PDE10A: variants seen among roughly 807,000 people sequenced by gnomAD.
PDE10A encodes the protein phosphodiesterase 10A.
PDE10A carries 39 observed loss-of-function variants against 97.7 expected under a neutral mutation model. The observed-to-expected ratio is 0.40, with a 90% CI of 0.31 to 0.52. PDE10A has a LOEUF of 0.52. Ranked by LOEUF, PDE10A falls within the 20% of genes least tolerant of loss-of-function variation. The probability of loss-of-function intolerance (pLI) is 0.56; values close to 1 mark genes in which losing one functional copy is unlikely to be tolerated. For synonymous variants in PDE10A, 371 were observed against 376.8 expected (o/e 0.98, Z 0.18); for missense variants, 731 against 1,047.8 (o/e 0.70, Z 4.17).
intron 1 of PDE10A, among the ~76,000 whole-genome samples, chr6:165,877,971 C>G (rs1781388390): frequency 6.6e-6 from 1 of 152,200 alleles, no homozygotes; most frequent in Non-Finnish European, 1.5e-5. Context: ...AAACACGGGT[C>G]TTTCCAGAGA....
chr6:165,876,679 C>A (rs1781353616), intron 1 of PDE10A, among the ~76,000 whole-genome samples: 1 of 152,202 alleles, frequency 6.6e-6, no homozygotes, highest in African/African-American at 2.4e-5. Context: ...TGGTTAAAAA[C>A]CTGCAGCCTC....
intron 1 of PDE10A, among the ~76,000 whole-genome samples, chr6:165,886,255 G>A (rs1254466930): frequency 1.3e-5 from 2 of 149,782 alleles, no homozygotes; most frequent in African/African-American, 4.9e-5. Flanking sequence ...CAGACCTGGA[G>A]TCCTGGAATC....
chr6:165,828,119 C>T (rs6903746), intron 1 of PDE10A, among the ~76,000 whole-genome samples: 38,886 of 152,062 alleles, frequency 0.26, 5,360 homozygotes, highest in Middle Eastern at 0.34. Context: ...AGTACCAAGA[C>T]GTGGAACCCT....
intron 19 of PDE10A, among the ~76,000 whole-genome samples, chr6:165,342,667 C>G (rs113862245): frequency 6.6e-6 from 1 of 152,142 alleles, no homozygotes; most frequent in Non-Finnish European, 1.5e-5. Flanking sequence ...TTTATTCAAA[C>G]CAGAAGAGGT....
chr6:165,686,072 C>T (rs6938140), intron 1 of PDE10A, among the ~76,000 whole-genome samples: 1 of 151,518 alleles, frequency 6.6e-6, no homozygotes, highest in African/African-American at 2.4e-5. Flanking sequence ...AAAATCACTG[C>T]AGTAGAATTC....
At chr6:165,632,398 G>C (rs1394224296) in intron 1 of PDE10A, among the ~76,000 whole-genome samples, 1 of 152,098 alleles carries the variant, frequency 6.6e-6, no homozygotes, top group Non-Finnish European at 1.5e-5. Context: ...CAGCCACACA[G>C]AAAACCCCTG....
intron 2 of PDE10A, among the ~76,000 whole-genome samples, chr6:165,524,621 C>A (rs542389045): frequency 1.3e-5 from 2 of 152,236 alleles, no homozygotes; most frequent in South Asian, 4.1e-4. Flanking sequence ...TGTCTCCTGG[C>A]TTCAGAAGCA....
chr6:165,544,404 A>C (rs1472656679), intron 1 of PDE10A, among the ~76,000 whole-genome samples: 1 of 152,188 alleles, frequency 6.6e-6, no homozygotes, highest in Non-Finnish European at 1.5e-5. Flanking sequence ...TCTCACATAT[A>C]AAGTATATGT....
chr6:165,400,642 A>G (rs1160031797), intron 13 of PDE10A, among the ~76,000 whole-genome samples: 3 of 152,224 alleles, frequency 2.0e-5, no homozygotes, highest in Admixed American at 2.0e-4. Flanking sequence ...ACTTTGGTAA[A>G]CAGTTTGGCA....
chr6:165,488,821 T>C (rs1780065905), intron 2 of PDE10A, among the ~76,000 whole-genome samples: 1 of 152,086 alleles, frequency 6.6e-6, no homozygotes, highest in East Asian at 1.9e-4. Flanking sequence ...TTACCCCACT[T>C]TTCTGGTGAC....
At chr6:165,864,363 A>G (rs888555798) in intron 1 of PDE10A, among the ~76,000 whole-genome samples, 9 of 152,238 alleles carry the variant, frequency 5.9e-5, no homozygotes, top group Non-Finnish European at 1.3e-4. Context: ...CCTGAAAAAC[A>G]TAACAGAGGG....
chr6:165,933,879 C>T (rs1170564151), intron 1 of PDE10A, among the ~76,000 whole-genome samples: 1 of 152,150 alleles, frequency 6.6e-6, no homozygotes, highest in Non-Finnish European at 1.5e-5. Flanking sequence ...TTGATGGGCA[C>T]CTTGGGGCCA....
intron 1 of PDE10A, chr6:165,660,793 CG>C (rs1409281860): frequency 6.6e-6 from 1 of 151,418 alleles, no homozygotes; most frequent in Non-Finnish European, 1.5e-5. Flanking sequence ...GACAAAGGCT[CG>C]GGTGCACACG....
intron 1 of PDE10A, among the ~76,000 whole-genome samples, chr6:165,984,613 T>C (rs369675658): frequency 7.2e-5 from 11 of 152,336 alleles, no homozygotes; most frequent in South Asian, 4.1e-4. Flanking sequence ...CAGACACTCA[T>C]GGTGATATTG....
intron 3 of PDE10A, among the ~76,000 whole-genome samples, chr6:165,467,364 C>CA (rs1180485593): frequency 6.6e-6 from 1 of 152,124 alleles, no homozygotes; most frequent in African/African-American, 2.4e-5. Flanking sequence ...TCATCTAGGA[C>CA]CCTTATAACT....
chr6:165,893,017 C>G (rs183579874), intron 1 of PDE10A, among the ~76,000 whole-genome samples: 1 of 152,296 alleles, frequency 6.6e-6, no homozygotes. Context: ...TGCTGTCTCC[C>G]CAGGTAGGAT....
rs1397858375 is a variant in PDE10A, at chr6:165,663,002, G to A, written c.-191C>T. On this transcript the variant is annotated 5_prime_UTR_variant, in exon 1 of 22. Coordinates refer to ENST00000539869, the MANE Select transcript of PDE10A (RefSeq NM_001385079.1). ...ACATTGTGCTCGGCTTGGGTTGCGG[G>A]AGGACCCGGGCCTGGGGGCCAGGCC... 6.6e-6 allele frequency among the ~76,000 whole-genome samples: 1 copy of A among 151,292 alleles called. No homozygotes were observed. Among genetic ancestry groups the A allele is most frequent in the African/African-American group, 2.4e-5 (1 of 41,278 alleles).
intron 13 of PDE10A, among the ~76,000 whole-genome samples, chr6:165,404,408 G>A (rs1464668363): frequency 1.3e-5 from 2 of 151,950 alleles, no homozygotes; most frequent in Admixed American, 6.6e-5. Flanking sequence ...GTCTCTACTT[G>A]GGGCTATGGG....
chr6:165,786,610 C>T lies in PDE10A; in HGVS notation c.-615+200919G>A, dbSNP rs546248953. Reference sequence around the variant, plus strand: ...CAAAGATGACACATGGGCTGTTTTGCATTAATGAGGCTGATGAATCTCACC... The same window carrying T: ...CAAAGATGACACATGGGCTGTTTTGTATTAATGAGGCTGATGAATCTCACC... On this transcript the variant is annotated intron_variant, in intron 1 of 19. Coordinates refer to the PDE10A transcript ENST00000366882. Among the ~76,000 whole-genome samples the T allele has an allele frequency of 2.6e-5, 4 of 152,280 alleles. No individual in the cohort carries two copies. The South Asian group carries it at 8.3e-4, about 32-fold the overall frequency.
Sources: allele counts gnomAD v4.1 joint callset (sites outside exome capture counted in the v4.1 genomes callset), GRCh38; gene constraint gnomAD v4.1.1; transcripts MANE v1.5; gene names NCBI Gene and HGNC (gene_info 2026-07-23, HGNC 2026-07-21).